The following KIF13B variants were observed in gnomAD, a reference collection of about 807,000 sequenced individuals.
KIF13B encodes the protein kinesin-like protein KIF13B.
KIF13B carries 127 observed loss-of-function variants against 222.0 expected under a neutral mutation model. The observed-to-expected ratio is 0.57, with a 90% confidence interval of 0.50 to 0.66. The LOEUF is 0.66. Among genes scored for constraint, KIF13B ranks in the 30% least tolerant of loss-of-function variants. KIF13B has a pLI of 0.00. For synonymous variants in KIF13B, 976 were observed against 919.0 expected, an observed-to-expected ratio of 1.06 and a Z score of -1.12; for missense variants, 2,173 against 2,379.0, an observed-to-expected ratio of 0.91 and a Z score of 1.80.
chr8:29,225,362 A>C (rs1443180886), intron 2 of KIF13B, among the ~76,000 whole-genome samples: 1 of 152,202 alleles, frequency 6.6e-6, no homozygotes, highest in Non-Finnish European at 1.5e-5. Flanking sequence ...AGATTAAGTA[A>C]CATCCTGAGT....
rs377431171 is a variant in KIF13B at position 29,129,659 on chromosome 8, T to A, written c.3075+874A>T. ...ATTAAAGTATAGCAAAAAAAAAAAA[T>A]TCCAAATCCTGTATACAAATTAAAT... On this transcript the variant is annotated intron_variant, in intron 24 of 39. Transcript: ENST00000524189. Among the ~76,000 whole-genome samples, 70 of 148,408 alleles carry A rather than the reference T, an allele frequency of 4.7e-4. No homozygotes were observed. In the East Asian group the frequency reaches 6.9e-3, roughly 15 times the overall value.
At chr8:29,243,564 G>A (rs190749631) in intron 2 of KIF13B, among the ~76,000 whole-genome samples, 3 of 151,958 alleles carry the variant, frequency 2.0e-5, no homozygotes. Flanking sequence ...GCTGAGGCAT[G>A]AGAATTGCTT....
chr8:29,164,990 G>C (rs929522879), intron 12 of KIF13B, among the ~76,000 whole-genome samples: 1 of 152,126 alleles, frequency 6.6e-6, no homozygotes, highest in Non-Finnish European at 1.5e-5. Flanking sequence ...TGAGACTACA[G>C]GTGTGTGCCA....
rs1563717010 is a variant in KIF13B, at chr8:29,118,923, C to T, written c.3605G>A (p.Gly1202Glu). Residue 1202 changes from glycine to glutamate, a missense_variant, in exon 30 of 40, where the codon GGG becomes GAG. Physicochemically the swap from Gly to Glu is moderately conservative, Grantham distance 98. Transcript: ENST00000524189. ...EAGGWDATLTGEEEEEFFELQ... is the reference protein window; with the variant it reads ...EAGGWDATLTEEEEEEFFELQ... ...TTCAAAGAACTCCTCTTCTTCTTCCCCAGTCAAGGTCGCATCCCATCCACC... is the reference window on the plus strand; with the variant it reads ...TTCAAAGAACTCCTCTTCTTCTTCCTCAGTCAAGGTCGCATCCCATCCACC... The T allele has an allele frequency of 6.2e-7, 1 of 1,613,926 alleles. No homozygotes were observed. Among genetic ancestry groups the T allele is most frequent in the African/African-American group, 1.3e-5 (1 of 75,038 alleles).
rs575498571 is a variant in KIF13B at position 29,241,884 on chromosome 8, GA to G, written c.149+3461del. 1.4e-3 allele frequency among the ~76,000 whole-genome samples: 219 copies of G among 151,992 alleles called. 1 individual carries two copies. The highest frequency in any genetic ancestry group is 4.8e-3 in the African/African-American group (198 of 41,454). On this transcript the variant is annotated intron_variant, in intron 2 of 39. Coordinates refer to ENST00000524189, the MANE Select transcript of KIF13B (RefSeq NM_015254.4). ...TTTAAAAAAGATATGAGGCAAAAAA[GA>G]AAAAAAGTATGTTCGAGTTGTGGAT...
intron 2 of KIF13B, among the ~76,000 whole-genome samples, chr8:29,230,645 T>C (rs1020944507): frequency 3.3e-5 from 5 of 152,144 alleles, no homozygotes; most frequent in African/African-American, 1.2e-4. Flanking sequence ...AAGTGTCAGA[T>C]TATGAGCACG....
At chr8:29,160,707 T>G (rs1034891006) in intron 13 of KIF13B, 26 bp downstream of exon 13, 2 of 1,600,916 alleles carry the variant, frequency 1.2e-6, no homozygotes, top group Non-Finnish European at 1.7e-6. Flanking sequence ...GTAACAAGAA[T>G]CTAGTAGCAA....
intron 2 of KIF13B, among the ~76,000 whole-genome samples, chr8:29,229,466 T>G (rs1815189524): frequency 6.6e-6 from 1 of 152,218 alleles, no homozygotes. Context: ...TAAGATGTCA[T>G]GAGAACTTAT....
Position 29,108,156 on chromosome 8 carries a change from TG to T in KIF13B, c.4197del (p.Tyr1399Ter). The T allele has an allele frequency of 1.2e-6, 2 of 1,612,204 alleles. No homozygotes were observed. The highest frequency in any genetic ancestry group is 1.7e-6 in the Non-Finnish European group (2 of 1,179,128). On this transcript the variant is annotated frameshift_variant, in exon 35 of 40. Transcript: ENST00000524189. LOFTEE classifies it high-confidence loss of function. ...ACACCTACCTTGTTGCTGCCTAGAC[TG>T]TATGATGGAATGAGATCTTGTCGGC... ...SGSRQDLIPS[Y>X]SLGSNKGRWE...
chr8:29,245,393 C>A lies in KIF13B; in HGVS notation c.102G>T (p.Lys34Asn). The change falls in exon 2 of 40, where the codon AAG becomes AAT. Residue 34 changes from lysine to asparagine, a missense_variant. By Grantham distance (94) the Lys-to-Asn change is moderately conservative. Transcript: ENST00000524189. Reference protein sequence around the residue: ...TKCVVDVDANKVILNPVNTNL... With the variant: ...TKCVVDVDANNVILNPVNTNL... ...TCGTATTTACAGGATTAAGAATAAC[C>A]TTGTTTGCATCCACATCCACCACAC... is the stretch of plus-strand genomic sequence containing the variant. The A allele has an allele frequency of 6.2e-7, 1 of 1,603,574 alleles. No individual in the cohort carries two copies. Among genetic ancestry groups the A allele is most frequent in the Non-Finnish European group, 8.5e-7 (1 of 1,174,460 alleles).
intron 1 of KIF13B, among the ~76,000 whole-genome samples, chr8:29,247,160 G>A (rs1816062005): frequency 6.6e-6 from 1 of 152,082 alleles, no homozygotes; most frequent in Admixed American, 6.5e-5. Context: ...TGAGATGGGG[G>A]GATCATTTAA....
chr8:29,109,796 A>G, intron 33 of KIF13B, 122 bp downstream of exon 33: 1 of 956,014 alleles, frequency 1.0e-6, no homozygotes, highest in Non-Finnish European at 1.5e-6. Flanking sequence ...GGATTATTCA[A>G]AGTTCATTAG....
At chr8:29,238,040 A>C (rs1355683156) in intron 2 of KIF13B, among the ~76,000 whole-genome samples, 1 of 152,230 alleles carries the variant, frequency 6.6e-6, no homozygotes, top group Non-Finnish European at 1.5e-5. Flanking sequence ...AGCAGACTCT[A>C]TTTGAGGAGA....
At chr8:29,155,328 C>T (rs1269977925) in intron 14 of KIF13B, among the ~76,000 whole-genome samples, 2 of 152,160 alleles carry the variant, frequency 1.3e-5, no homozygotes, top group Non-Finnish European at 2.9e-5. Flanking sequence ...GAGAACATGG[C>T]AGCACTTAAC....
chr8:29,129,739 G>T (rs1046052622), intron 24 of KIF13B, among the ~76,000 whole-genome samples: 61 of 152,244 alleles, frequency 4.0e-4, no homozygotes, highest in African/African-American at 1.4e-3. Flanking sequence ...GATGCATGTG[G>T]GGTTAAGTGG....
chr8:29,253,041 G>C (rs1239871150), intron 1 of KIF13B, among the ~76,000 whole-genome samples: 1 of 152,186 alleles, frequency 6.6e-6, no homozygotes, highest in African/African-American at 2.4e-5. Context: ...GAGATGCCAG[G>C]TTAGGAGAGG....
intron 1 of KIF13B, among the ~76,000 whole-genome samples, chr8:29,255,602 G>A (rs1019097989): frequency 2.6e-5 from 4 of 151,608 alleles, no homozygotes; most frequent in African/African-American, 9.7e-5. Flanking sequence ...ACCCCTCCAG[G>A]TACCACTCTG....
At chr8:29,186,682 G>A (rs1212982775) in intron 5 of KIF13B, among the ~76,000 whole-genome samples, 2 of 152,148 alleles carry the variant, frequency 1.3e-5, no homozygotes, top group African/African-American at 4.8e-5. Flanking sequence ...AATAGGCTGG[G>A]TGCGGTGGCT....
chr8:29,222,573 C>T (rs1045032603), intron 2 of KIF13B, among the ~76,000 whole-genome samples: 2 of 101,078 alleles, frequency 2.0e-5, no homozygotes, highest in African/African-American at 7.6e-5. Context: ...CAGGGTGTCA[C>T]TATATTGCTC....
Sources: allele counts gnomAD v4.1 joint callset (sites outside exome capture counted in the v4.1 genomes callset), GRCh38; gene constraint gnomAD v4.1.1; transcripts MANE v1.5; gene names NCBI Gene and HGNC (gene_info 2026-07-23, HGNC 2026-07-21).